WWOX: variants seen among roughly 807,000 people sequenced by gnomAD.
The protein encoded by WWOX is WW domain containing oxidoreductase, also known as WW domain-containing oxidoreductase.
Under a neutral mutation model 46.2 loss-of-function variants are expected in WWOX, and 69 were observed. That is an observed-to-expected ratio of 1.49 (90% CI 1.23 to 1.82). WWOX has a LOEUF of 1.82. WWOX is among the 40% of genes most tolerant of loss of function. WWOX has a pLI of 0.00. For missense variants in WWOX, 919 were observed against 542.6 expected, an observed-to-expected ratio of 1.69 and a Z score of -6.89; for synonymous variants, 359 against 202.6, an observed-to-expected ratio of 1.77 and a Z score of -6.56.
chr16:78,991,306 G>T (rs1200963454), intron 8 of WWOX, among the ~76,000 whole-genome samples: 2 of 152,124 alleles, frequency 1.3e-5, no homozygotes, highest in African/African-American at 4.8e-5. Flanking sequence ...GTTAAATCCA[G>T]GTCCCAGCCA....
intron 1 of WWOX, among the ~76,000 whole-genome samples, chr16:78,102,992 C>T (rs1010076060): frequency 1.3e-5 from 2 of 152,248 alleles, no homozygotes; most frequent in South Asian, 2.1e-4. Context: ...CCTCCTTTGC[C>T]ACTCAGCCCC....
At chr16:78,126,087 G>C (rs1379278714) in intron 4 of WWOX, among the ~76,000 whole-genome samples, 1 of 152,030 alleles carries the variant, frequency 6.6e-6, no homozygotes, top group East Asian at 1.9e-4. Context: ...TTTCTGTGTT[G>C]TTAAATACTC....
chr16:78,929,950 G>T (rs1318448769), intron 8 of WWOX, among the ~76,000 whole-genome samples: 1 of 152,086 alleles, frequency 6.6e-6, no homozygotes, highest in African/African-American at 2.4e-5. Context: ...AATTCCCTGT[G>T]CTAACTGCCC....
intron 8 of WWOX, among the ~76,000 whole-genome samples, chr16:78,864,310 A>T (rs1308039645): frequency 6.6e-6 from 1 of 150,572 alleles, no homozygotes; most frequent in African/African-American, 2.4e-5. Context: ...TCTGTTGCCC[A>T]GGCTGGAGTG....
chr16:78,965,114 C>T (rs2046340719), intron 8 of WWOX, among the ~76,000 whole-genome samples: 1 of 152,198 alleles, frequency 6.6e-6, no homozygotes, highest in South Asian at 2.1e-4. Flanking sequence ...GGGCTGGAGC[C>T]TCCAGGCAGA....
chr16:78,699,040 A>G (rs79256176), intron 8 of WWOX, among the ~76,000 whole-genome samples: 2,625 of 152,298 alleles, frequency 0.017, 73 homozygotes, highest in African/African-American at 0.059. Flanking sequence ...TAGTGTTTCT[A>G]GCTTTGCAGT....
intron 8 of WWOX, among the ~76,000 whole-genome samples, chr16:78,687,193 T>C (rs2047882439): frequency 6.6e-6 from 1 of 152,216 alleles, no homozygotes. Context: ...ACAGTTCTCT[T>C]GTCTCTGTTC....
At chr16:78,239,344 C>T (rs2037549125) in intron 5 of WWOX, among the ~76,000 whole-genome samples, 1 of 152,116 alleles carries the variant, frequency 6.6e-6, no homozygotes, top group South Asian at 2.1e-4. Flanking sequence ...CAGGGTGGTC[C>T]TCCCATCCCC....
chr16:79,086,402 T>C (rs1355941471), intron 8 of WWOX, among the ~76,000 whole-genome samples: 3 of 152,202 alleles, frequency 2.0e-5, no homozygotes, highest in African/African-American at 4.8e-5. Flanking sequence ...TTCTGGTATG[T>C]TTCTTGATAC....
intron 6 of WWOX, among the ~76,000 whole-genome samples, chr16:78,406,352 A>ATTT (rs2082543106): frequency 1.4e-5 from 1 of 73,352 alleles, no homozygotes; most frequent in Non-Finnish European, 2.6e-5. Context: ...ATATATATAT[A>ATTT]TATTTTATTA....
At chr16:78,728,643 A>C (rs1235913133) in intron 8 of WWOX, among the ~76,000 whole-genome samples, 1 of 152,204 alleles carries the variant, frequency 6.6e-6, no homozygotes, top group Non-Finnish European at 1.5e-5. Context: ...GAAGGGTCTC[A>C]GAGACATCCC....
chr16:78,595,623 A>G (rs1324546847), intron 8 of WWOX, among the ~76,000 whole-genome samples: 1 of 152,212 alleles, frequency 6.6e-6, no homozygotes, highest in Non-Finnish European at 1.5e-5. Flanking sequence ...CCTGCCCCCC[A>G]GCTGACCAGT....
intron 8 of WWOX, among the ~76,000 whole-genome samples, chr16:79,079,817 G>C (rs189169744): frequency 1.3e-5 from 2 of 152,280 alleles, no homozygotes; most frequent in East Asian, 3.9e-4. Context: ...AGGAGAGAGG[G>C]TTGGACACAA....
At chr16:78,929,861 C>T (rs111478027) in intron 8 of WWOX, among the ~76,000 whole-genome samples, 1 of 152,108 alleles carries the variant, frequency 6.6e-6, no homozygotes, top group Non-Finnish European at 1.5e-5. Flanking sequence ...CGGACCCTTG[C>T]CTTTTTACCC....
intron 8 of WWOX, among the ~76,000 whole-genome samples, chr16:79,199,134 C>G (rs970473848): frequency 2.0e-5 from 3 of 152,320 alleles, no homozygotes; most frequent in East Asian, 1.9e-4. Context: ...GCAATCTTGG[C>G]TCACTGCAAC....
At chr16:78,517,409 G>C (rs557670715) in intron 8 of WWOX, among the ~76,000 whole-genome samples, 2 of 141,632 alleles carry the variant, frequency 1.4e-5, no homozygotes, top group African/African-American at 5.3e-5. Context: ...AAAATCACCA[G>C]AACTGAAATT....
At chr16:79,173,362 T>G (rs1238174131) in intron 8 of WWOX, among the ~76,000 whole-genome samples, 1 of 152,154 alleles carries the variant, frequency 6.6e-6, no homozygotes, top group Non-Finnish European at 1.5e-5. Flanking sequence ...AGTAACCCAT[T>G]GGTGCAGATA....
chr16:78,931,674 T>C (rs2045627072), intron 8 of WWOX, among the ~76,000 whole-genome samples: 1 of 152,222 alleles, frequency 6.6e-6, no homozygotes, highest in Non-Finnish European at 1.5e-5. Flanking sequence ...CAGATCTGCC[T>C]GGAATACAGA....
At chr16:78,242,960 A>T (rs2037704823) in intron 5 of WWOX, among the ~76,000 whole-genome samples, 1 of 152,206 alleles carries the variant, frequency 6.6e-6, no homozygotes, top group East Asian at 1.9e-4. Context: ...GTGAACTGAG[A>T]TCGCACCACT....
Sources: gnomAD v4.1 joint callset for allele counts (sites outside exome capture counted in the v4.1 genomes callset) on GRCh38, gnomAD v4.1.1 for gene constraint, MANE v1.5 for transcripts, NCBI Gene and HGNC (gene_info 2026-07-23, HGNC 2026-07-21) for gene names.